PCDHGB3: variants seen among roughly 807,000 people sequenced by gnomAD.
PCDHGB3 encodes protocadherin gamma subfamily B, 3.
In PCDHGB3, 40 loss-of-function variants were observed where a neutral mutation model predicts 59.2. The observed-to-expected ratio is 0.68, with a 90% CI of 0.52 to 0.88. The LOEUF is 0.88. Among genes scored for constraint, PCDHGB3 ranks in the 40% least tolerant of loss-of-function variants. PCDHGB3 has a pLI of 0.00. For missense variants in PCDHGB3, 1,309 were observed against 1,187.9 expected (o/e 1.10, Z -1.50); for synonymous variants, 581 against 503.6 (o/e 1.15, Z -2.06).
intron 1 of PCDHGB3, chr5:141,392,937 G>A: frequency 6.2e-7 from 1 of 1,613,948 alleles, no homozygotes; most frequent in Admixed American, 1.7e-5. Context: ...GACGGACAAA[G>A]GCTCCTTCGT....
chr5:141,409,914 G>T lies in PCDHGB3; in HGVS notation c.2415+37105G>T, dbSNP rs772848211. 58 of 1,613,230 alleles carry T rather than the reference G, an allele frequency of 3.6e-5. No homozygotes were observed. In the East Asian group the frequency reaches 1.2e-3, roughly 35 times the overall value. On this transcript the variant is annotated intron_variant, in intron 1 of 3. Transcript: ENST00000576222. ...CTGTACCCAGCTCTGGGTCCTGACGGCTCCGCGTTCTTCGATATGGTACCT... is the reference window on the plus strand; with the variant it reads ...CTGTACCCAGCTCTGGGTCCTGACGTCTCCGCGTTCTTCGATATGGTACCT...
At chr5:141,412,792 C>T (rs1387029327) in intron 1 of PCDHGB3, among the ~76,000 whole-genome samples, 1 of 152,194 alleles carries the variant, frequency 6.6e-6, no homozygotes. Flanking sequence ...TCCACTTTAT[C>T]ACACCTCCCC....
At chr5:141,475,715 C>T (rs989484033) in intron 1 of PCDHGB3, among the ~76,000 whole-genome samples, 1 of 152,366 alleles carries the variant, frequency 6.6e-6, no homozygotes, top group African/African-American at 2.4e-5. Context: ...AGCCTCACAG[C>T]CCCAAGGCTG....
At chr5:141,446,624 G>C (rs1433894248) in intron 1 of PCDHGB3, among the ~76,000 whole-genome samples, 1 of 151,930 alleles carries the variant, frequency 6.6e-6, no homozygotes, top group African/African-American at 2.4e-5. Flanking sequence ...CTACAGGCGT[G>C]CACCACCACG....
intron 1 of PCDHGB3, chr5:141,387,632 C>T (rs1345144425): frequency 3.4e-6 from 2 of 586,890 alleles, no homozygotes; most frequent in Non-Finnish European, 5.9e-6. Context: ...ACTCTGGGCG[C>T]CGCTGTTGGC....
chr5:141,382,556 G>C (rs1286845940), intron 1 of PCDHGB3, among the ~76,000 whole-genome samples: 1 of 152,160 alleles, frequency 6.6e-6, no homozygotes, highest in Non-Finnish European at 1.5e-5. Flanking sequence ...GGGATATCTA[G>C]AGCAAAGAAA....
Position 141,450,631 on chromosome 5 carries a change from T to C in PCDHGB3, c.2416-44176T>C, listed in dbSNP as rs554043866. 6.1e-5 allele frequency among the ~76,000 whole-genome samples: 9 copies of C among 148,320 alleles called. No homozygotes were observed. In the East Asian group the frequency reaches 1.9e-3, roughly 31 times the overall value. Reference sequence around the variant, plus strand: ...CCTCCTGAGTAGCTGGGATTACAGATGCCTGCCACCATGCCTGGCTAATTT... The same window carrying C: ...CCTCCTGAGTAGCTGGGATTACAGACGCCTGCCACCATGCCTGGCTAATTT... On this transcript the variant is annotated intron_variant, in intron 1 of 3. Transcript: ENST00000576222.
chr5:141,437,622 A>G (rs1007643306), intron 1 of PCDHGB3, among the ~76,000 whole-genome samples: 2 of 152,192 alleles, frequency 1.3e-5, no homozygotes, highest in Non-Finnish European at 2.9e-5. Flanking sequence ...TTATCCCCAT[A>G]TAAGATGTCA....
chr5:141,499,689 C>CTTTTT (rs545067566), intron 2 of PCDHGB3, among the ~76,000 whole-genome samples: 5 of 119,848 alleles, frequency 4.2e-5, no homozygotes, highest in Admixed American at 8.7e-5. Context: ...TAACAGATGA[C>CTTTTT]TTTTTTTTTT....
chr5:141,453,032 G>A (rs2098754281), intron 1 of PCDHGB3, among the ~76,000 whole-genome samples: 1 of 152,132 alleles, frequency 6.6e-6, no homozygotes, highest in Admixed American at 6.5e-5. Flanking sequence ...TTAAAATAAA[G>A]TTTGTTTCTA....
At chr5:141,418,479 C>G (rs375821205) in intron 1 of PCDHGB3, 3 of 1,614,010 alleles carry the variant, frequency 1.9e-6, no homozygotes, top group Non-Finnish European at 1.7e-6. Context: ...ACGCAGAGCG[C>G]TCACCACTTG....
intron 1 of PCDHGB3, chr5:141,408,283 C>A: frequency 6.2e-7 from 1 of 1,612,756 alleles, no homozygotes; most frequent in Non-Finnish European, 8.5e-7. Context: ...TGTTCTACCC[C>A]ACCCTGAGTG....
intron 1 of PCDHGB3, chr5:141,402,981 G>A (rs375892904): frequency 1.2e-6 from 2 of 1,608,410 alleles, no homozygotes; most frequent in Non-Finnish European, 1.7e-6. Flanking sequence ...TGCCAGCTCC[G>A]CGGAAGATTA....
intron 1 of PCDHGB3, chr5:141,405,129 G>A (rs755961534): frequency 9.9e-6 from 16 of 1,613,846 alleles, no homozygotes; most frequent in Middle Eastern, 3.3e-4. Context: ...CATCTGCTGC[G>A]GGCTACCAGT....
rs767337670 is a variant in PCDHGB3 at position 141,433,083 on chromosome 5, A to G, written c.2415+60274A>G. 8.1e-6 allele frequency: 13 copies of G among 1,614,174 alleles called. 1 individual carries two copies. Among genetic ancestry groups the G allele is most frequent in the Non-Finnish European group, 9.3e-6 (11 of 1,180,024 alleles). ...CACCTGATCTTCCCCCAGCCCAACT[A>G]TGCAGACATGCTCGTCAGCCAGGAG... On this transcript the variant is annotated intron_variant, in intron 1 of 3. Coordinates refer to ENST00000576222, the MANE Select transcript of PCDHGB3 (RefSeq NM_018924.5).
Position 141,415,740 on chromosome 5 carries a change from G to GTTTTTT in PCDHGB3, c.2415+42958_2415+42963dup, listed in dbSNP as rs57426385. ...TGAGTAGAATTTGATGTTTATTAAGGTTTTTTTTTTTTTTTTTTTTTTTTT... is the reference window on the plus strand; with the variant it reads ...TGAGTAGAATTTGATGTTTATTAAGGTTTTTTTTTTTTTTTTTTTTTTTTTTTTTTT... On this transcript the variant is annotated intron_variant, in intron 1 of 3. Transcript: ENST00000576222. 6.6e-4 allele frequency: 412 copies of GTTTTTT among 624,836 alleles called. 3 individuals carry two copies. The highest frequency in any genetic ancestry group is 1.2e-3 in the African/African-American group (49 of 39,912). The allele number at this position is 624,836 out of a possible 1,614,324, so 38.7% of individuals were successfully genotyped here.
At chr5:141,448,654 A>G (rs966383140) in intron 1 of PCDHGB3, among the ~76,000 whole-genome samples, 1 of 152,048 alleles carries the variant, frequency 6.6e-6, no homozygotes, top group African/African-American at 2.4e-5. Context: ...AAATATTTCC[A>G]TATTGGCCGG....
intron 1 of PCDHGB3, chr5:141,375,375 C>G (rs907988445): frequency 6.2e-7 from 1 of 1,613,834 alleles, no homozygotes; most frequent in Admixed American, 1.7e-5. Context: ...GGAACACCAC[C>G]TCTGTCTACA....
chr5:141,505,326 G>A, intron 2 of PCDHGB3, 67 bp from the exon 3 acceptor site: 2 of 1,607,648 alleles, frequency 1.2e-6, no homozygotes, highest in East Asian at 2.2e-5. Context: ...AGCCCTGGGA[G>A]AGGACAGGAG....
Sources: gnomAD v4.1 joint callset for allele counts (sites outside exome capture counted in the v4.1 genomes callset) on GRCh38, gnomAD v4.1.1 for gene constraint, MANE v1.5 for transcripts, NCBI Gene and HGNC (gene_info 2026-07-23, HGNC 2026-07-21) for gene names.